Variants in DNMBP observed in about 807,000 individuals in gnomAD.
DNMBP encodes the protein dynamin-binding protein.
Under a neutral mutation model 150.0 loss-of-function variants are expected in DNMBP, and 87 were observed. The ratio of observed to expected loss-of-function variants is 0.58; its 90% CI spans 0.49 to 0.69. The LOEUF (loss-of-function observed/expected upper bound fraction) is 0.69, where lower values mean the gene tolerates loss of function less well. Among genes scored for constraint, DNMBP ranks in the 30% least tolerant of loss-of-function variants. DNMBP has a pLI of 0.00. For missense variants in DNMBP, 1,774 were observed against 1,949.0 expected (o/e 0.91, Z 1.69); for synonymous variants, 711 against 750.4 (o/e 0.95, Z 0.86).
intron 4 of DNMBP, chr10:99,930,613 T>G (rs1333556164): frequency 2.8e-6 from 2 of 703,008 alleles, no homozygotes; most frequent in Non-Finnish European, 5.2e-6. Context: ...GCCCAGTACC[T>G]GGGATCCAAG....
In DNMBP at chr10:99,955,670, G is replaced by T; in HGVS notation, c.1804C>A (p.Pro602Thr). 6.2e-7 allele frequency: 1 copy of T among 1,614,182 alleles called. No homozygotes were observed. The highest frequency in any genetic ancestry group is 8.5e-7 in the Non-Finnish European group (1 of 1,180,044). Reference protein sequence around the residue: ...SSKLITEQELPERRKALRPPP... With the variant: ...SSKLITEQELTERRKALRPPP... ...GGCCTTAGGGCCTTTCTCCTTTCCG[G>T]CAGCTCCTGCTCGGTGATTAACTTT... Residue 602 changes from proline to threonine, a missense_variant, in exon 4 of 17, where the codon CCG becomes ACG. Coordinates refer to ENST00000324109, the MANE Select transcript of DNMBP (RefSeq NM_015221.4).
rs2039266497 is a variant in DNMBP at position 99,876,037 on chromosome 10, CA to C, written c.*1113del. ...ATGGCTTATCCCAATTCAAGTAAGT[CA>C]CAGGTGTTATGTTGTCTGCATCTAT... is the stretch of plus-strand genomic sequence containing the variant. On this transcript the variant is annotated 3_prime_UTR_variant, in exon 17 of 17. Transcript: ENST00000324109. 1 of 152,152 alleles carries C rather than the reference CA, an allele frequency of 6.6e-6. No homozygotes were observed. Among genetic ancestry groups the C allele is most frequent in the African/African-American group, 2.4e-5 (1 of 41,426 alleles). The allele number at this position is 152,152 out of a possible 1,614,324, so 9.4% of individuals were successfully genotyped here.
At chr10:99,932,009 A>G (rs915343526) in intron 4 of DNMBP, among the ~76,000 whole-genome samples, 1 of 152,236 alleles carries the variant, frequency 6.6e-6, no homozygotes, top group African/African-American at 2.4e-5. Flanking sequence ...GAGGAGGCTG[A>G]AGAGATAGGT....
intron 3 of DNMBP, among the ~76,000 whole-genome samples, chr10:99,964,892 A>G (rs2040605078): frequency 6.7e-6 from 1 of 148,834 alleles, no homozygotes; most frequent in East Asian, 1.9e-4. Context: ...AAAAATATAT[A>G]TATATATATA....
At chr10:99,886,226 G>T in intron 13 of DNMBP, 74 bp downstream of exon 13, 4 of 1,274,716 alleles carry the variant, frequency 3.1e-6, no homozygotes, top group Non-Finnish European at 3.3e-6. Flanking sequence ...TTCAAACCAT[G>T]CTACCATTTT....
chr10:99,957,103 A>G lies in DNMBP; in HGVS notation c.371T>C (p.Leu124Pro), dbSNP rs1489415861. 4 of 1,613,950 alleles carry G rather than the reference A, an allele frequency of 2.5e-6. No individual in the cohort carries two copies. In the African/African-American group the frequency reaches 4.0e-5, roughly 16 times the overall value. ...GFFPSSCVRE[L>P]CLSSQSRQWH... is the part of the protein sequence containing the mutation. ...CTGCCGGCTCTGTGAGGAGAGGCAG[A>G]GCTCGCGGACACATGAAGATGGGAA... is the stretch of plus-strand genomic sequence containing the variant. The change falls in exon 4 of 17, where the codon CTC becomes CCC. Residue 124 changes from leucine (L) to proline (P), a missense_variant. Physicochemically the swap from Leu to Pro is moderately conservative, Grantham distance 98. Coordinates refer to ENST00000324109, the MANE Select transcript of DNMBP (RefSeq NM_015221.4).
At chr10:99,905,923 T>G (rs1289875894) in intron 6 of DNMBP, among the ~76,000 whole-genome samples, 1 of 152,168 alleles carries the variant, frequency 6.6e-6, no homozygotes, top group Non-Finnish European at 1.5e-5. Context: ...TGAGCTGTCA[T>G]TGTGCCACTG....
At chr10:99,905,968 T>TA (rs894654002) in intron 6 of DNMBP, among the ~76,000 whole-genome samples, 1 of 152,098 alleles carries the variant, frequency 6.6e-6, no homozygotes, top group African/African-American at 2.4e-5. Flanking sequence ...AGACCCTGTC[T>TA]AAAAAAAGAA....
chr10:99,963,882 C>T (rs551194215), intron 3 of DNMBP, among the ~76,000 whole-genome samples: 34 of 151,938 alleles, frequency 2.2e-4, no homozygotes, highest in African/African-American at 7.2e-4. Flanking sequence ...GGTTTCCATA[C>T]GAGCCATGTC....
intron 1 of DNMBP, among the ~76,000 whole-genome samples, chr10:100,002,731 C>T (rs978435520): frequency 2.0e-5 from 3 of 151,962 alleles, no homozygotes; most frequent in Admixed American, 1.3e-4. Context: ...ACAAAGTCAG[C>T]ATAGGGTTAG....
At chr10:99,935,087 C>CA (rs71009790) in intron 4 of DNMBP, among the ~76,000 whole-genome samples, 2,030 of 48,524 alleles carry the variant, frequency 0.042, 227 homozygotes, top group Middle Eastern at 0.08. Context: ...CCTGTCTCCA[C>CA]AAAAAAAAAA....
intron 1 of DNMBP, among the ~76,000 whole-genome samples, chr10:99,999,084 G>C (rs2040983186): frequency 6.6e-6 from 1 of 152,174 alleles, no homozygotes. Flanking sequence ...AGCAGTTCCA[G>C]CTCCAGACAG....
intron 4 of DNMBP, among the ~76,000 whole-genome samples, chr10:99,936,342 G>C (rs1388573344): frequency 6.6e-6 from 1 of 151,864 alleles, no homozygotes; most frequent in East Asian, 1.9e-4. Flanking sequence ...CCTGAAAATT[G>C]GTTATTTTCA....
At chr10:99,957,250 G>A in intron 3 of DNMBP, 45 bp from the exon 4 acceptor site, 1 of 1,538,724 alleles carries the variant, frequency 6.5e-7, no homozygotes, top group Middle Eastern at 2.2e-4. Context: ...TCATCACCCA[G>A]CAGAACATTA....
chr10:99,885,392 C>T (rs1041287106), intron 14 of DNMBP, among the ~76,000 whole-genome samples: 4 of 152,120 alleles, frequency 2.6e-5, no homozygotes, highest in Non-Finnish European at 5.9e-5. Context: ...TGCCTGTAGT[C>T]CCAGCTACTT....
rs2133355539 is a variant in DNMBP at position 99,972,084 on chromosome 10, C to A, written c.41G>T (p.Cys14Phe). Residue 14 changes from cysteine to phenylalanine, a missense_variant, in exon 2 of 17, where the codon TGC (cysteine) becomes TTC (phenylalanine). By Grantham distance (205) the Cys-to-Phe change is radical. Transcript: ENST00000324109. ...GSVVRAIFDFCPSVSEELPLF... is the reference protein window; with the variant it reads ...GSVVRAIFDFFPSVSEELPLF... Reference sequence around the variant, plus strand: ...CGGCAGTTCTTCTGATACGCTAGGGCAGAAGTCAAAAATGGCTCGAACCAC... The same window carrying A: ...CGGCAGTTCTTCTGATACGCTAGGGAAGAAGTCAAAAATGGCTCGAACCAC... 1 of 1,613,818 alleles carries A rather than the reference C, an allele frequency of 6.2e-7. No individual in the cohort carries two copies. The highest frequency in any genetic ancestry group is 2.2e-5 in the East Asian group (1 of 44,880).
chr10:99,925,260 T>G (rs1348672672), intron 4 of DNMBP, among the ~76,000 whole-genome samples: 10 of 152,212 alleles, frequency 6.6e-5, no homozygotes, highest in Non-Finnish European at 2.9e-5. Context: ...GCATTCTAGG[T>G]GTCAAGAGAG....
At chr10:99,915,214 TACAC>T (rs10654941) in intron 4 of DNMBP, among the ~76,000 whole-genome samples, 41 of 142,542 alleles carry the variant, frequency 2.9e-4, no homozygotes, top group African/African-American at 6.8e-4. Flanking sequence ...CATATATACA[TACAC>T]ACACACACAC....
intron 4 of DNMBP, among the ~76,000 whole-genome samples, chr10:99,915,601 G>T (rs1003822666): frequency 6.6e-6 from 1 of 152,070 alleles, no homozygotes; most frequent in Non-Finnish European, 1.5e-5. Context: ...TGTAGTCCCA[G>T]CTACTCCGAA....
Sources: gnomAD v4.1 joint callset for allele counts (sites outside exome capture counted in the v4.1 genomes callset) on GRCh38, gnomAD v4.1.1 for gene constraint, MANE v1.5 for transcripts, NCBI Gene and HGNC (gene_info 2026-07-23, HGNC 2026-07-21) for gene names.